The following HPSE2 variants were observed in gnomAD, a reference collection of about 807,000 sequenced individuals.
The protein encoded by HPSE2 is inactive heparanase-2.
HPSE2 carries 38 observed loss-of-function variants against 60.5 expected under a neutral mutation model. The ratio of observed to expected loss-of-function variants is 0.63; its 90% CI spans 0.48 to 0.82. HPSE2 has a LOEUF of 0.82. HPSE2 is among the 40% of genes least tolerant of loss of function. HPSE2 has a pLI of 0.00. For missense variants in HPSE2, 713 were observed against 740.4 expected (o/e 0.96, Z 0.43); for synonymous variants, 295 against 293.2 (o/e 1.01, Z -0.06).
At position 98,952,364 on chromosome 10, in the gene HPSE2, G is replaced by A. The variant is rs1955388727; in HGVS notation, c.610+191874C>T. Among the ~76,000 whole-genome samples the A allele has an allele frequency of 2.0e-5, 3 of 150,470 alleles. No homozygotes were observed. In the South Asian group the frequency reaches 6.3e-4, roughly 32 times the overall value. ...TGTGTGTGTGTGTGTGTGTGTCAGG[G>A]TGGGTATAGTAGGGCAAAATGGGCA... On this transcript the variant is annotated intron_variant, in intron 3 of 11. Transcript: ENST00000370552.
At chr10:98,712,492 T>C (rs939943429) in intron 5 of HPSE2, among the ~76,000 whole-genome samples, 5 of 152,092 alleles carry the variant, frequency 3.3e-5, no homozygotes, top group African/African-American at 1.2e-4. Flanking sequence ...TACCCATGCT[T>C]TGAGGAAAAG....
At chr10:98,474,465 C>A (rs762906931) in intron 11 of HPSE2, among the ~76,000 whole-genome samples, 16 of 152,148 alleles carry the variant, frequency 1.1e-4, no homozygotes, top group Non-Finnish European at 1.8e-4. Context: ...AAAGTCTTAG[C>A]ACCTGGGAGT....
At chr10:98,725,758 T>A (rs1177387584) in intron 4 of HPSE2, among the ~76,000 whole-genome samples, 1 of 152,018 alleles carries the variant, frequency 6.6e-6, no homozygotes, top group East Asian at 1.9e-4. Context: ...AGGGCTAATA[T>A]CCAGAATCTA....
At chr10:98,951,141 T>C (rs1363977125) in intron 3 of HPSE2, among the ~76,000 whole-genome samples, 2 of 152,150 alleles carry the variant, frequency 1.3e-5, no homozygotes, top group African/African-American at 2.4e-5. Flanking sequence ...TTTAATAGCA[T>C]GAGGAGATAA....
intron 9 of HPSE2, among the ~76,000 whole-genome samples, chr10:98,504,358 C>T (rs1031693050): frequency 1.3e-5 from 2 of 152,038 alleles, no homozygotes; most frequent in African/African-American, 4.8e-5. Context: ...CTTTAGCTCA[C>T]CTTATTGTCT....
intron 3 of HPSE2, among the ~76,000 whole-genome samples, chr10:98,808,313 C>T (rs1409346384): frequency 6.6e-6 from 1 of 152,106 alleles, no homozygotes; most frequent in Non-Finnish European, 1.5e-5. Flanking sequence ...GAGACTCATC[C>T]TTCCATTTTT....
intron 6 of HPSE2, among the ~76,000 whole-genome samples, chr10:98,688,738 A>G (rs1424928754): frequency 1.3e-5 from 2 of 151,586 alleles, no homozygotes; most frequent in Non-Finnish European, 2.9e-5. Flanking sequence ...AGCCTCCCAA[A>G]GTGTTGGGAT....
chr10:98,885,083 A>T (rs955715619), intron 3 of HPSE2, among the ~76,000 whole-genome samples: 4 of 152,194 alleles, frequency 2.6e-5, no homozygotes, highest in African/African-American at 9.6e-5. Flanking sequence ...AGGAGGTCAA[A>T]ATAGCAACAT....
chr10:98,548,341 G>A (rs1943755360), intron 9 of HPSE2, among the ~76,000 whole-genome samples: 1 of 152,158 alleles, frequency 6.6e-6, no homozygotes, highest in Non-Finnish European at 1.5e-5. Context: ...ATGAGACTGG[G>A]TGCGGTGGCT....
chr10:98,633,377 C>CT (rs1565034095), intron 7 of HPSE2, among the ~76,000 whole-genome samples: 1 of 151,726 alleles, frequency 6.6e-6, no homozygotes, highest in Non-Finnish European at 1.5e-5. Flanking sequence ...TGTTTGTTTT[C>CT]TTTTTTTGTG....
chr10:98,554,194 G>T (rs1056426917), intron 9 of HPSE2, among the ~76,000 whole-genome samples: 2 of 152,102 alleles, frequency 1.3e-5, no homozygotes, highest in Non-Finnish European at 2.9e-5. Context: ...CCTGCACACT[G>T]TCTCCTCTCC....
chr10:99,057,061 G>A (rs965825077), intron 3 of HPSE2, among the ~76,000 whole-genome samples: 1 of 152,114 alleles, frequency 6.6e-6, no homozygotes, highest in Admixed American at 6.6e-5. Flanking sequence ...AGGATTTGCT[G>A]GAAAGAAATG....
At chr10:98,871,764 G>A (rs1370652934) in intron 3 of HPSE2, among the ~76,000 whole-genome samples, 2 of 151,990 alleles carry the variant, frequency 1.3e-5, no homozygotes, top group African/African-American at 4.8e-5. Flanking sequence ...CTAGAGGAAA[G>A]CAGGTAAAAA....
intron 3 of HPSE2, among the ~76,000 whole-genome samples, chr10:98,933,738 C>CT (rs1400974532): frequency 0.022 from 2,994 of 133,554 alleles, 515 homozygotes; most frequent in African/African-American, 0.071. Context: ...TTTTTCTTTT[C>CT]TTTTTTTTTT....
chr10:99,255,619 C>G, the HPSE2 span, among the ~76,000 whole-genome samples: 1 of 151,592 alleles, frequency 6.6e-6, no homozygotes, highest in Non-Finnish European at 1.5e-5. Context: ...GCAGTAAAGT[C>G]ATTTGATAAA....
intron 3 of HPSE2, among the ~76,000 whole-genome samples, chr10:98,927,303 T>C (rs550730850): frequency 5.9e-5 from 9 of 152,210 alleles, no homozygotes; most frequent in African/African-American, 1.9e-4. Context: ...ATTGGGTGCA[T>C]ATATATTTAA....
At chr10:99,239,913 G>A (rs937632508), upstream of HPSE2, among the ~76,000 whole-genome samples, 5 of 152,134 alleles carry the variant, frequency 3.3e-5, no homozygotes, top group African/African-American at 9.7e-5. Flanking sequence ...TCCCGGCCAG[G>A]TGCAGTGGCT....
At chr10:98,925,014 T>C (rs1288562945) in intron 3 of HPSE2, among the ~76,000 whole-genome samples, 3 of 152,176 alleles carry the variant, frequency 2.0e-5, no homozygotes, top group Non-Finnish European at 4.4e-5. Context: ...CTGAGTTCAA[T>C]GTAAAGTCGC....
chr10:98,796,667 T>C (rs537721409), intron 3 of HPSE2, among the ~76,000 whole-genome samples: 1 of 152,260 alleles, frequency 6.6e-6, no homozygotes, highest in African/African-American at 2.4e-5. Flanking sequence ...ACATTGAGCT[T>C]TGAGTGAACA....
Sources: allele counts gnomAD v4.1 joint callset (sites outside exome capture counted in the v4.1 genomes callset), GRCh38; gene constraint gnomAD v4.1.1; transcripts MANE v1.5; gene names NCBI Gene and HGNC (gene_info 2026-07-23, HGNC 2026-07-21).